GRID2: variants seen among roughly 807,000 people sequenced by gnomAD.
GRID2 encodes the protein glutamate ionotropic receptor delta type subunit 2.
In GRID2, 33 loss-of-function variants were observed where a neutral mutation model predicts 114.8. The ratio of observed to expected loss-of-function variants is 0.29; its 90% CI spans 0.22 to 0.38. The LOEUF (loss-of-function observed/expected upper bound fraction) is 0.38. Among genes scored for constraint, GRID2 ranks in the 10% least tolerant of loss-of-function variants. The pLI, the probability that GRID2 is intolerant of heterozygous loss-of-function variation, is 1.00. For synonymous variants in GRID2, 505 were observed against 449.9 expected, an observed-to-expected ratio of 1.12 and a Z score of -1.55; for missense variants, 1,184 against 1,257.7, an observed-to-expected ratio of 0.94 and a Z score of 0.89.
chr4:92,818,696 C>G (rs943867511), intron 2 of GRID2, among the ~76,000 whole-genome samples: 1 of 152,122 alleles, frequency 6.6e-6, no homozygotes, highest in African/African-American at 2.4e-5. Flanking sequence ...TCACCCAGAG[C>G]AGCCCCTCTG....
intron 1 of GRID2, among the ~76,000 whole-genome samples, chr4:92,395,669 T>C (rs1292781649): frequency 2.0e-5 from 3 of 151,766 alleles, no homozygotes; most frequent in Non-Finnish European, 4.4e-5. Context: ...TAAAACCACA[T>C]AATATCTAAA....
intron 1 of GRID2, among the ~76,000 whole-genome samples, chr4:92,507,264 T>C (rs7659338): frequency 0.23 from 35,625 of 151,822 alleles, 4,532 homozygotes; most frequent in Non-Finnish European, 0.29. Flanking sequence ...GGATATTTCT[T>C]TGAAACTACA....
intron 14 of GRID2, among the ~76,000 whole-genome samples, chr4:93,643,504 T>C (rs1274667989): frequency 2.5e-4 from 2 of 7,848 alleles, no homozygotes; most frequent in Non-Finnish European, 4.0e-4. Flanking sequence ...GTAGATGTCC[T>C]TTCTGGTTGT....
At chr4:93,497,315 T>C (rs1275341997) in intron 12 of GRID2, among the ~76,000 whole-genome samples, 1 of 151,802 alleles carries the variant, frequency 6.6e-6, no homozygotes, top group African/African-American at 2.4e-5. Context: ...CTGTAGCTTG[T>C]ATTTTCATCC....
chr4:93,706,441 G>A (rs111916396), intron 14 of GRID2, among the ~76,000 whole-genome samples: 6,402 of 151,918 alleles, frequency 0.042, 219 homozygotes, highest in African/African-American at 0.085. Context: ...TTCTTTGATT[G>A]AGTTTATTCC....
intron 11 of GRID2, among the ~76,000 whole-genome samples, chr4:93,461,027 A>T (rs1361507470): frequency 1.3e-5 from 2 of 152,202 alleles, no homozygotes; most frequent in Non-Finnish European, 2.9e-5. Flanking sequence ...AGGAAAAAAG[A>T]TAAATAGAAT....
At chr4:92,520,674 A>C (rs1724726644) in intron 1 of GRID2, among the ~76,000 whole-genome samples, 1 of 151,906 alleles carries the variant, frequency 6.6e-6, no homozygotes, top group South Asian at 2.1e-4. Flanking sequence ...TGCTATTCCA[A>C]TTCCCCCTTG....
chr4:93,098,171 C>T (rs62308210), intron 3 of GRID2, among the ~76,000 whole-genome samples: 9,895 of 151,966 alleles, frequency 0.065, 677 homozygotes, highest in African/African-American at 0.17. Flanking sequence ...AGCACTTGTA[C>T]TGTGTTTTCT....
chr4:93,655,792 G>A (rs1722944522), intron 14 of GRID2, among the ~76,000 whole-genome samples: 1 of 151,798 alleles, frequency 6.6e-6, no homozygotes, highest in African/African-American at 2.4e-5. Flanking sequence ...AATATTAATG[G>A]CTTTTTGATG....
downstream of GRID2, among the ~76,000 whole-genome samples, chr4:93,774,906 A>C (rs72875980): frequency 0.025 from 3,840 of 151,966 alleles, 160 homozygotes; most frequent in African/African-American, 0.087. Flanking sequence ...TGTTACATCA[A>C]AAAAAATAAG....
intron 1 of GRID2, among the ~76,000 whole-genome samples, chr4:92,464,049 A>G (rs551731491): frequency 6.6e-6 from 1 of 151,848 alleles, no homozygotes; most frequent in East Asian, 1.9e-4. Context: ...ATCCTACCCT[A>G]TTCTTCTCAA....
chr4:93,089,307 C>T (rs62308206), intron 3 of GRID2, among the ~76,000 whole-genome samples: 1 of 152,108 alleles, frequency 6.6e-6, no homozygotes, highest in South Asian at 2.1e-4. Flanking sequence ...TTCCAACATA[C>T]TAATGCCAAG....
intron 14 of GRID2, among the ~76,000 whole-genome samples, chr4:93,766,878 A>T (rs1733719059): frequency 6.6e-6 from 1 of 152,198 alleles, no homozygotes; most frequent in Admixed American, 6.5e-5. Flanking sequence ...AACTATAGTT[A>T]CAATGTTGTA....
chr4:93,689,878 T>C (rs1355069014), intron 14 of GRID2, among the ~76,000 whole-genome samples: 2 of 152,054 alleles, frequency 1.3e-5, no homozygotes, highest in African/African-American at 4.8e-5. Flanking sequence ...CCTCCAAAAA[T>C]CTAACTAAAC....
At chr4:93,179,930 T>C (rs1739723552) in intron 4 of GRID2, among the ~76,000 whole-genome samples, 1 of 152,184 alleles carries the variant, frequency 6.6e-6, no homozygotes, top group South Asian at 2.1e-4. Flanking sequence ...TCTGCTCTAG[T>C]GTATTTAAAG....
intron 8 of GRID2, among the ~76,000 whole-genome samples, chr4:93,387,557 C>T (rs1052455691): frequency 1.5e-4 from 23 of 152,056 alleles, no homozygotes; most frequent in Non-Finnish European, 3.1e-4. Context: ...AGGCCAGGCG[C>T]GGTGGCTGAT....
At chr4:92,922,383 G>A (rs914692195) in intron 2 of GRID2, among the ~76,000 whole-genome samples, 1 of 152,110 alleles carries the variant, frequency 6.6e-6, no homozygotes, top group Non-Finnish European at 1.5e-5. Context: ...TCCCCAGTGA[G>A]ATGAACCCAG....
chr4:92,789,250 G>A (rs556381270), intron 2 of GRID2, among the ~76,000 whole-genome samples: 1 of 151,816 alleles, frequency 6.6e-6, no homozygotes, highest in African/African-American at 2.4e-5. Flanking sequence ...CTTTATCTTT[G>A]CTGTTTTGTA....
intron 2 of GRID2, among the ~76,000 whole-genome samples, chr4:92,793,768 C>T (rs113187227): frequency 5.3e-5 from 8 of 151,956 alleles, no homozygotes; most frequent in African/African-American, 1.9e-4. Flanking sequence ...ACCTTTCATA[C>T]TTTTCAATAG....
Sources: gnomAD v4.1 joint callset for allele counts (sites outside exome capture counted in the v4.1 genomes callset) on GRCh38, gnomAD v4.1.1 for gene constraint, MANE v1.5 for transcripts, NCBI Gene and HGNC (gene_info 2026-07-23, HGNC 2026-07-21) for gene names.